KCTD14: variants seen among roughly 807,000 people sequenced by gnomAD.
The protein encoded by KCTD14 is BTB/POZ domain-containing protein KCTD14.
A neutral mutation model predicts 5.9 loss-of-function variants in KCTD14; 7 were observed. The observed-to-expected ratio is 1.19, with a 90% CI of 0.68 to 2.23. The LOEUF (loss-of-function observed/expected upper bound fraction) is 2.23, where lower values mean the gene tolerates loss of function less well. Among genes scored for constraint, KCTD14 ranks in the 30% most tolerant of loss-of-function variants. KCTD14 has a pLI of 0.00. For synonymous variants in KCTD14, 140 were observed against 133.1 expected, an observed-to-expected ratio of 1.05 and a Z score of -0.36; for missense variants, 342 against 332.2, an observed-to-expected ratio of 1.03 and a Z score of -0.23.
rs778376569 is a variant in KCTD14 at position 78,016,837 on chromosome 11, G to A, written c.524C>T (p.Thr175Ile). The A allele has an allele frequency of 6.2e-7, 1 of 1,614,188 alleles. No individual in the cohort carries two copies. ...TGAATAATATGCATCCTGCTCCTCA[G>A]TTTCCACCAGGCACACAAGCACGCT... ...KSSVLVCLVE[T>I]EEQDAYYSEV... The change falls in exon 2 of 2, where the codon ACT becomes ATT. Residue 175 changes from threonine to isoleucine, a missense_variant. Transcript: ENST00000353172.
At chr11:78,045,945 A>G (rs1018286396) in intron 1 of KCTD14, 7 of 203,816 alleles carry the variant, frequency 3.4e-5, no homozygotes, top group African/African-American at 1.7e-4. Flanking sequence ...CTGGGTGAGG[A>G]CGCAGGGAGG....
chr11:78,026,588 G>T (rs1212525356), upstream of KCTD14, among the ~76,000 whole-genome samples: 1 of 152,082 alleles, frequency 6.6e-6, no homozygotes, highest in Non-Finnish European at 1.5e-5. Context: ...GGGCAACATG[G>T]TGAGTCCCCA....
intron 2 of KCTD14, among the ~76,000 whole-genome samples, chr11:78,031,684 A>T (rs1414457993): frequency 1.3e-5 from 2 of 152,154 alleles, no homozygotes; most frequent in Non-Finnish European, 2.9e-5. Context: ...CACAGCACCC[A>T]GCCCGTAATC....
At chr11:78,046,076 G>T in exon 1 of KCTD14, 1 of 984,658 alleles carries the variant, frequency 1.0e-6, no homozygotes, top group South Asian at 4.7e-5. Context: ...AGTAAACCGG[G>T]GAGGACTCCG....
intron 2 of KCTD14, among the ~76,000 whole-genome samples, chr11:78,031,280 T>C (rs1857606778): frequency 6.6e-6 from 1 of 152,052 alleles, no homozygotes; most frequent in South Asian, 2.1e-4. Context: ...ACCCCTGAGC[T>C]CAAGCAATCT....
chr11:78,023,079 G>C, intron 1 of KCTD14, 81 bp downstream of exon 1: 2 of 969,930 alleles, frequency 2.1e-6, no homozygotes, highest in Non-Finnish European at 3.1e-6. Context: ...GGGACGGGCA[G>C]GAGAAACTGG....
intron 1 of KCTD14, among the ~76,000 whole-genome samples, chr11:78,021,939 A>C (rs1482924779): frequency 6.6e-6 from 1 of 152,144 alleles, no homozygotes; most frequent in Non-Finnish European, 1.5e-5. Flanking sequence ...CACCTCCAGA[A>C]GCTCACTCAC....
chr11:78,038,455 G>T (rs1459857298), intron 2 of KCTD14, among the ~76,000 whole-genome samples: 3 of 152,194 alleles, frequency 2.0e-5, no homozygotes, highest in Admixed American at 2.0e-4. Context: ...ACTCAGAAGG[G>T]CATCTCCCAT....
At chr11:78,036,994 G>A (rs2136750787) in intron 2 of KCTD14, among the ~76,000 whole-genome samples, 1 of 152,358 alleles carries the variant, frequency 6.6e-6, no homozygotes, top group Admixed American at 6.5e-5. Context: ...AGGAAACCAA[G>A]GCCAAAGAAG....
At chr11:78,021,285 GA>G (rs1368352593) in intron 1 of KCTD14, among the ~76,000 whole-genome samples, 6 of 120,070 alleles carry the variant, frequency 5.0e-5, no homozygotes, top group African/African-American at 1.9e-4. Context: ...GTGACAGAGG[GA>G]GACCCTGTCT....
At chr11:78,038,533 A>C in intron 2 of KCTD14, 1 of 1,074,650 alleles carries the variant, frequency 9.3e-7, no homozygotes, top group Middle Eastern at 3.0e-4. Context: ...ACCGCACCCC[A>C]TCTGGCTCCC....
At chr11:78,035,474 C>T (rs549442904) in intron 2 of KCTD14, among the ~76,000 whole-genome samples, 1 of 152,238 alleles carries the variant, frequency 6.6e-6, no homozygotes, top group South Asian at 2.1e-4. Flanking sequence ...CCTTCCTCAC[C>T]CTGTTACTAA....
intron 2 of KCTD14, among the ~76,000 whole-genome samples, chr11:78,030,982 T>C (rs1857595841): frequency 6.6e-6 from 1 of 151,880 alleles, no homozygotes; most frequent in Admixed American, 6.6e-5. Context: ...GATCTGACTG[T>C]GCCAGGCACT....
chr11:78,023,268 C>A lies in KCTD14; in HGVS notation c.-19G>T, dbSNP rs562016649. The A allele has an allele frequency of 2.2e-5, 35 of 1,606,944 alleles. No homozygotes were observed. Among genetic ancestry groups the A allele is most frequent in the Non-Finnish European group, 3.0e-5 (35 of 1,179,252 alleles). ...GCCACATGCAGATCACTTGGGCCAG[C>A]GGAAGTGCCCCTGGCTGCCCGCCCC... is the stretch of plus-strand genomic sequence containing the variant. On this transcript the variant is annotated 5_prime_UTR_variant, in exon 1 of 2. Coordinates refer to ENST00000353172, the MANE Select transcript of KCTD14 (RefSeq NM_023930.4).
At chr11:78,037,018 C>A (rs568597049) in intron 2 of KCTD14, among the ~76,000 whole-genome samples, 1 of 152,310 alleles carries the variant, frequency 6.6e-6, no homozygotes, top group South Asian at 2.1e-4. Context: ...TATGACTTTC[C>A]CAAAGTCACG....
At chr11:78,035,248 G>C (rs534787840) in intron 2 of KCTD14, among the ~76,000 whole-genome samples, 258 of 152,260 alleles carry the variant, frequency 1.7e-3, no homozygotes, top group Middle Eastern at 3.4e-3. Context: ...CTTTTGGGGT[G>C]CATCCACAGG....
chr11:78,018,944 C>T (rs998869811), intron 1 of KCTD14, among the ~76,000 whole-genome samples: 56 of 152,092 alleles, frequency 3.7e-4, no homozygotes, highest in African/African-American at 1.3e-3. Flanking sequence ...TGGGGACAAA[C>T]ATTCTTATTT....
At chr11:78,018,470 A>G (rs1461962669) in intron 1 of KCTD14, among the ~76,000 whole-genome samples, 1 of 151,996 alleles carries the variant, frequency 6.6e-6, no homozygotes, top group African/African-American at 2.4e-5. Context: ...ACTTTGGGAG[A>G]CCGAGGTGAG....
upstream of KCTD14, chr11:78,023,461 C>T (rs1857362866): frequency 3.6e-5 from 20 of 551,832 alleles, no homozygotes; most frequent in South Asian, 3.7e-4. Context: ...TGGAGCAGAC[C>T]CCTTAAGGAC....
Sources: allele counts gnomAD v4.1 joint callset (sites outside exome capture counted in the v4.1 genomes callset), GRCh38; gene constraint gnomAD v4.1.1; transcripts MANE v1.5; gene names NCBI Gene and HGNC (gene_info 2026-07-23, HGNC 2026-07-21).